Variants in FGF13 observed in about 807,000 individuals in gnomAD.
The protein encoded by FGF13 is fibroblast growth factor 13, also known as fibroblast growth factor homologous factor 2.
FGF13 carries 2 observed loss-of-function variants against 19.5 expected under a neutral mutation model. The ratio of observed to expected loss-of-function variants is 0.10; its 90% CI spans 0.04 to 0.32. FGF13 has a LOEUF of 0.32. Ranked by LOEUF, FGF13 falls within the 10% of genes least tolerant of loss-of-function variation. The pLI is 1.00. For synonymous variants in FGF13, 72 were observed against 76.9 expected, an observed-to-expected ratio of 0.94 and a Z score of 0.33; for missense variants, 113 against 192.7, an observed-to-expected ratio of 0.59 and a Z score of 2.45.
chrX:138,671,371 AT>A (rs1316386524), intron 3 of FGF13, among the ~76,000 whole-genome samples: 38 of 111,835 alleles, frequency 3.4e-4, no homozygotes, highest in African/African-American at 1.2e-3. Flanking sequence ...AATCTTATAA[AT>A]ACAGGCAACG....
chrX:138,782,171 A>C (rs1156628546), intron 3 of FGF13, among the ~76,000 whole-genome samples: 1 of 112,255 alleles, frequency 8.9e-6, no homozygotes, highest in African/African-American at 3.2e-5. Context: ...AAATAATAAG[A>C]GCTATCTATG....
chrX:138,676,037 T>C (rs2089662278), intron 3 of FGF13, among the ~76,000 whole-genome samples: 1 of 111,849 alleles, frequency 8.9e-6, no homozygotes, highest in Non-Finnish European at 1.9e-5. Context: ...TGCTAAATCA[T>C]CGAGAAAAAT....
chrX:139,182,239 C>T (rs755954806), intron 1 of FGF13, among the ~76,000 whole-genome samples: 2 of 111,886 alleles, frequency 1.8e-5, no homozygotes, highest in South Asian at 7.5e-4. Context: ...ACACCATATT[C>T]TCTCTTTACT....
At chrX:138,635,413 A>G in intron 4 of FGF13, 44 bp downstream of exon 4, 2 of 1,116,101 alleles carry the variant, frequency 1.8e-6, no homozygotes. Flanking sequence ...ATAAATAAGT[A>G]TATTTAGTAG....
At chrX:139,152,473 G>A (rs1030621129) in intron 1 of FGF13, among the ~76,000 whole-genome samples, 3 of 110,130 alleles carry the variant, frequency 2.7e-5, no homozygotes, top group Non-Finnish European at 5.7e-5. Flanking sequence ...TCTAGAGCCC[G>A]ATCAAGCACT....
At chrX:139,197,501 C>G (rs1350931814) in intron 1 of FGF13, among the ~76,000 whole-genome samples, 1 of 112,132 alleles carries the variant, frequency 8.9e-6, no homozygotes, top group Non-Finnish European at 1.9e-5. Flanking sequence ...CATTCAACAA[C>G]TACTCCTAGA....
chrX:139,151,488 A>G (rs1392111422), intron 1 of FGF13, among the ~76,000 whole-genome samples: 1 of 112,239 alleles, frequency 8.9e-6, no homozygotes, highest in African/African-American at 3.2e-5. Flanking sequence ...TGTTAGCAAG[A>G]TCTGAATGAC....
chrX:138,958,428 C>CAGGATTT (rs1480771489), intron 1 of FGF13, among the ~76,000 whole-genome samples: 1 of 111,575 alleles, frequency 9.0e-6, no homozygotes, highest in African/African-American at 3.3e-5. Context: ...TTCAGTTTGC[C>CAGGATTT]AGGATTTTAT....
intron 1 of FGF13, among the ~76,000 whole-genome samples, chrX:139,070,040 C>G (rs1271394672): frequency 8.9e-6 from 1 of 111,850 alleles, no homozygotes; most frequent in Non-Finnish European, 1.9e-5. Context: ...AGAAGAAAAC[C>G]TAGGCAATAC....
chrX:138,978,860 T>C (rs1183122231), intron 1 of FGF13, among the ~76,000 whole-genome samples: 1 of 111,621 alleles, frequency 9.0e-6, no homozygotes, highest in Non-Finnish European at 1.9e-5. Context: ...AAAAACAGAG[T>C]TATGTACTTT....
At chrX:138,696,321 T>C (rs904124644) in intron 3 of FGF13, among the ~76,000 whole-genome samples, 1 of 112,255 alleles carries the variant, frequency 8.9e-6, no homozygotes, top group Non-Finnish European at 1.9e-5. Context: ...AGTGCTTGCC[T>C]GAGACTGGGG....
chrX:138,745,238 G>A (rs2090346659), intron 3 of FGF13, among the ~76,000 whole-genome samples: 1 of 111,950 alleles, frequency 8.9e-6, no homozygotes, highest in Admixed American at 9.5e-5. Context: ...AGGAGTTAGG[G>A]GTATGTGTGT....
intron 1 of FGF13, among the ~76,000 whole-genome samples, chrX:139,022,569 G>A (rs1603133919): frequency 9.1e-6 from 1 of 110,435 alleles, no homozygotes; most frequent in Middle Eastern, 4.6e-3. Flanking sequence ...TTTGTTCCAC[G>A]TGTATTTGCA....
At chrX:138,642,356 T>C (rs910233975) in intron 3 of FGF13, among the ~76,000 whole-genome samples, 1 of 112,141 alleles carries the variant, frequency 8.9e-6, no homozygotes, top group African/African-American at 3.2e-5. Context: ...CCTGGTCTTT[T>C]TGTCTGCAAA....
chrX:138,664,100 A>G (rs983166448), intron 3 of FGF13, among the ~76,000 whole-genome samples: 28 of 112,062 alleles, frequency 2.5e-4, no homozygotes, highest in African/African-American at 8.4e-4. Context: ...ATGGCTCCAT[A>G]AATGAAGTAA....
intron 1 of FGF13, among the ~76,000 whole-genome samples, chrX:139,118,141 A>G (rs1230141692): frequency 8.9e-6 from 1 of 111,833 alleles, no homozygotes; most frequent in Non-Finnish European, 1.9e-5. Context: ...CACTTCATAG[A>G]AAAGGTAGCA....
intron 1 of FGF13, among the ~76,000 whole-genome samples, chrX:139,185,397 A>G (rs747976898): frequency 2.7e-5 from 3 of 112,059 alleles, no homozygotes; most frequent in East Asian, 5.6e-4. Flanking sequence ...TGAAATGTTG[A>G]TCATATAATC....
At chrX:138,827,860 A>AAGACAACTCT (rs2091044489) in intron 3 of FGF13, among the ~76,000 whole-genome samples, 1 of 112,128 alleles carries the variant, frequency 8.9e-6, no homozygotes, top group South Asian at 3.7e-4. Context: ...ATCAATCCTC[A>AAGACAACTCT]AGACAACTCT....
At chrX:138,686,475 G>C (rs913125436) in intron 3 of FGF13, among the ~76,000 whole-genome samples, 2 of 111,698 alleles carry the variant, frequency 1.8e-5, no homozygotes, top group Non-Finnish European at 3.8e-5. Flanking sequence ...TATGAAGTTT[G>C]AGATCTGTAA....
Sources: gnomAD v4.1 joint callset for allele counts (sites outside exome capture counted in the v4.1 genomes callset) on GRCh38, gnomAD v4.1.1 for gene constraint, MANE v1.5 for transcripts, NCBI Gene and HGNC (gene_info 2026-07-23, HGNC 2026-07-21) for gene names.